The following CA12 variants were observed in gnomAD, a reference collection of about 807,000 sequenced individuals.
CA12 encodes the protein carbonate dehydratase XII.
In CA12, 36 loss-of-function variants were observed where a neutral mutation model predicts 46.8. The observed-to-expected ratio is 0.77, with a 90% CI of 0.59 to 1.02. The LOEUF is 1.02. Among genes scored for constraint, CA12 ranks in the 50% least tolerant of loss-of-function variants. The probability of loss-of-function intolerance (pLI) is 0.00; values close to 1 mark genes in which losing one functional copy is unlikely to be tolerated. For synonymous variants in CA12, 202 were observed against 187.0 expected, an observed-to-expected ratio of 1.08 and a Z score of -0.65; for missense variants, 436 against 451.4, an observed-to-expected ratio of 0.97 and a Z score of 0.31.
At chr15:63,342,141 T>C in intron 4 of CA12, 44 bp from the exon 5 acceptor site, 1 of 1,289,784 alleles carries the variant, frequency 7.8e-7, no homozygotes, top group Non-Finnish European at 1.1e-6. Flanking sequence ...AAGCGACTCA[T>C]GGGAGCCTGT....
At position 63,326,111 on chromosome 15, in the gene CA12, G is replaced by T; in HGVS notation, c.*174C>A. Reference sequence around the variant, plus strand: ...CCCATCCATCGATCGGATGGCTCTGGGGTGGCCATGGTCCCAAGGCAAGGA... The same window carrying T: ...CCCATCCATCGATCGGATGGCTCTGTGGTGGCCATGGTCCCAAGGCAAGGA... On this transcript the variant is annotated 3_prime_UTR_variant, in exon 11 of 11. Transcript: ENST00000178638. 4 of 653,542 alleles carry T rather than the reference G, an allele frequency of 6.1e-6. No homozygotes were observed. Among genetic ancestry groups the T allele is most frequent in the Non-Finnish European group, 1.1e-5 (4 of 356,188 alleles). 40.5% of individuals were successfully genotyped at this position (653,542 alleles called of 1,614,324 possible).
At position 63,328,887 on chromosome 15, in the gene CA12, G is replaced by T. The variant is rs1285607438; in HGVS notation, c.875-757C>A. On this transcript the variant is annotated intron_variant, in intron 8 of 10. Transcript: ENST00000178638. The surrounding 1 kb of genome is among the most constrained non-coding windows in gnomAD (Gnocchi z 5.9). ...GGCTAATTTTTGTATTTTTAGTAGA[G>T]ATGGGGTTTTGCCATGTTGACCAGG... Among the ~76,000 whole-genome samples the T allele has an allele frequency of 2.0e-5, 3 of 152,160 alleles. No homozygotes were observed. The highest frequency in any genetic ancestry group is 2.9e-5 in the Non-Finnish European group (2 of 68,028).
Position 63,345,413 on chromosome 15 carries a change from G to A in CA12, c.429+64C>T, listed in dbSNP as rs2039132417. On this transcript the variant is annotated intron_variant, in intron 4 of 10. Transcript: ENST00000178638. This position sits in a 1 kb window ranked among gnomAD's most constrained non-coding sequence, Gnocchi z 4.3. Reference sequence around the variant, plus strand: ...TCTGGTGTTATCTGCACAGCAGCCAGGTCGAGAAGGTGCCACACCACCCAC... The same window carrying A: ...TCTGGTGTTATCTGCACAGCAGCCAAGTCGAGAAGGTGCCACACCACCCAC... 9.4e-6 allele frequency: 15 copies of A among 1,590,338 alleles called. No homozygotes were observed. In the South Asian group the frequency reaches 1.6e-4, roughly 16 times the overall value.
chr15:63,366,039 G>A (rs956970760), intron 2 of CA12, among the ~76,000 whole-genome samples: 1 of 151,710 alleles, frequency 6.6e-6, no homozygotes, highest in South Asian at 2.1e-4. Flanking sequence ...TACTTGGGAG[G>A]CTGAGGCATG....
At chr15:63,346,763 C>T (rs2039155994) in intron 2 of CA12, 54 bp from the exon 3 acceptor site, 2 of 1,568,034 alleles carry the variant, frequency 1.3e-6, no homozygotes, top group Admixed American at 3.3e-5. Flanking sequence ...AGGGATTTTC[C>T]TTATCTTCTA....
At chr15:63,360,638 C>T (rs2039350434) in intron 2 of CA12, among the ~76,000 whole-genome samples, 1 of 152,174 alleles carries the variant, frequency 6.6e-6, no homozygotes, top group South Asian at 2.1e-4. Context: ...CATCCTCATC[C>T]CTAAAACACT....
chr15:63,378,471 G>A lies in CA12; in HGVS notation c.86-2793C>T, dbSNP rs1421557906. Among the ~76,000 whole-genome samples, 1 of 152,148 alleles carries A rather than the reference G, an allele frequency of 6.6e-6. No homozygotes were observed. The highest frequency in any genetic ancestry group is 1.5e-5 in the Non-Finnish European group (1 of 68,036). Reference sequence around the variant, plus strand: ...AGGTCCACAGACTCCCCTGAAACCAGCTATGGGTGCATTGAGAGTTGAGGG... The same window carrying A: ...AGGTCCACAGACTCCCCTGAAACCAACTATGGGTGCATTGAGAGTTGAGGG... On this transcript the variant is annotated intron_variant, in intron 1 of 10. Transcript: ENST00000178638. This position sits in a 1 kb window ranked among gnomAD's most constrained non-coding sequence, Gnocchi z 4.8.
Position 63,327,419 on chromosome 15 carries a change from G to A in CA12, c.908-186C>T, listed in dbSNP as rs969240133. ...CTGGCTGGAGTATTTTGAGGTGGCC[G>A]TTTGCAAATTCTAGTGGTTTTCCAG... On this transcript the variant is annotated intron_variant, in intron 9 of 10. Transcript: ENST00000178638. The surrounding 1 kb of genome is among the most constrained non-coding windows in gnomAD (Gnocchi z 4.5). Among the ~76,000 whole-genome samples the A allele has an allele frequency of 6.6e-5, 10 of 151,944 alleles. No homozygotes were observed. The highest frequency in any genetic ancestry group is 1.7e-4 in the African/African-American group (7 of 41,350).
chr15:63,346,427 G>C, intron 3 of CA12, 103 bp downstream of exon 3: 1 of 716,402 alleles, frequency 1.4e-6, no homozygotes, highest in Non-Finnish European at 2.3e-6. Context: ...CCCTCCTCCT[G>C]GATGCTTCCA....
chr15:63,374,379 C>T lies in CA12; in HGVS notation c.106+1279G>A, dbSNP rs998027710. ...TCCTCCTCCAGGAGGCCTTCCCTGA[C>T]CATCTAGCCCTAGCACACTCGCCCT... On this transcript the variant is annotated intron_variant, in intron 2 of 10. Coordinates refer to ENST00000178638, the MANE Select transcript of CA12 (RefSeq NM_001218.5). This position sits in a 1 kb window ranked among gnomAD's most constrained non-coding sequence, Gnocchi z 4.4. 6.6e-6 allele frequency among the ~76,000 whole-genome samples: 1 copy of T among 152,214 alleles called. No individual in the cohort carries two copies. Among genetic ancestry groups the T allele is most frequent in the African/African-American group, 2.4e-5 (1 of 41,460 alleles).
rs887277552 is a variant in CA12, at chr15:63,339,501, A to G, written c.748-556T>C. On this transcript the variant is annotated intron_variant, in intron 7 of 10. Coordinates refer to ENST00000178638, the MANE Select transcript of CA12 (RefSeq NM_001218.5). The surrounding 1 kb of genome is among the most constrained non-coding windows in gnomAD (Gnocchi z 4.3). ...TGCTGCTTCCCCACATGTTTCATCC[A>G]TCTCTTGGTTCATCATGTCCTCATT... Among the ~76,000 whole-genome samples the G allele has an allele frequency of 1.3e-5, 2 of 152,132 alleles. No individual in the cohort carries two copies.
intron 2 of CA12, among the ~76,000 whole-genome samples, chr15:63,363,442 A>G (rs2039392851): frequency 6.6e-6 from 1 of 152,240 alleles, no homozygotes; most frequent in South Asian, 2.1e-4. Context: ...GGCTATGTGC[A>G]TCTATCTGCC....
rs1189643281 is a variant in CA12, at chr15:63,373,202, T to C, written c.106+2456A>G. 1.3e-5 allele frequency among the ~76,000 whole-genome samples: 2 copies of C among 152,000 alleles called. No homozygotes were observed. The highest frequency in any genetic ancestry group is 2.9e-5 in the Non-Finnish European group (2 of 67,988). The stretch of plus-strand genomic sequence containing the variant: ...CATCATGGTGAAACCCCATCTCTAA[T>C]AAAAATACAGAAATTAGCCGGGCGT... On this transcript the variant is annotated intron_variant, in intron 2 of 10. Coordinates refer to ENST00000178638, the MANE Select transcript of CA12 (RefSeq NM_001218.5). The surrounding 1 kb of genome is among the most constrained non-coding windows in gnomAD (Gnocchi z 4.9).
intron 2 of CA12, among the ~76,000 whole-genome samples, chr15:63,368,205 G>C (rs577686996): frequency 1.7e-4 from 26 of 152,344 alleles, no homozygotes; most frequent in African/African-American, 6.3e-4. Flanking sequence ...TTTCAGAGAT[G>C]CTAAAATGTG....
At chr15:63,379,685 T>C (rs141059227) in intron 1 of CA12, among the ~76,000 whole-genome samples, 2 of 152,178 alleles carry the variant, frequency 1.3e-5, no homozygotes, top group East Asian at 3.9e-4. Context: ...CCAGAGAAAA[T>C]GGTATTTACC....
At chr15:63,332,381 T>C (rs1288623707) in intron 8 of CA12, among the ~76,000 whole-genome samples, 1 of 152,252 alleles carries the variant, frequency 6.6e-6, no homozygotes, top group Non-Finnish European at 1.5e-5. Flanking sequence ...GAACTGGTTT[T>C]ATACAGCTAT....
At chr15:63,356,597 A>G (rs2039299191) in intron 2 of CA12, among the ~76,000 whole-genome samples, 2 of 149,866 alleles carry the variant, frequency 1.3e-5, no homozygotes, top group Non-Finnish European at 3.0e-5. Context: ...GATCTCGCTC[A>G]CTGCAACCTC....
At chr15:63,361,058 T>C (rs1043828360) in intron 2 of CA12, among the ~76,000 whole-genome samples, 1 of 151,630 alleles carries the variant, frequency 6.6e-6, no homozygotes, top group East Asian at 1.9e-4. Flanking sequence ...AAAGCTAGCA[T>C]GGGGCCAGGG....
intron 8 of CA12, among the ~76,000 whole-genome samples, chr15:63,336,899 C>T (rs1388093951): frequency 6.6e-6 from 1 of 152,182 alleles, no homozygotes; most frequent in East Asian, 1.9e-4. Flanking sequence ...AAAATTCTAT[C>T]TGATCTATGT....
Sources: allele counts gnomAD v4.1 joint callset (sites outside exome capture counted in the v4.1 genomes callset), GRCh38; gene constraint gnomAD v4.1.1; non-coding constraint Gnocchi (gnomAD v3.1); transcripts MANE v1.5; gene names NCBI Gene and HGNC (gene_info 2026-07-23, HGNC 2026-07-21).